DLG2: variants seen among roughly 807,000 people sequenced by gnomAD.
DLG2 encodes the protein discs large MAGUK scaffold protein 2, also known as disks large homolog 2.
Under a neutral mutation model 132.5 loss-of-function variants are expected in DLG2, and 45 were observed. The ratio of observed to expected loss-of-function variants is 0.34; its 90% CI spans 0.27 to 0.44. The LOEUF (loss-of-function observed/expected upper bound fraction) is 0.44, where lower values mean the gene tolerates loss of function less well. Ranked by LOEUF, DLG2 falls within the 20% of genes least tolerant of loss-of-function variation. The pLI, the probability that DLG2 is intolerant of heterozygous loss-of-function variation, is 1.00. For synonymous variants in DLG2, 424 were observed against 419.6 expected (o/e 1.01, Z -0.13); for missense variants, 1,045 against 1,196.9 (o/e 0.87, Z 1.87).
chr11:84,164,090 A>G (rs1282608338), intron 8 of DLG2, among the ~76,000 whole-genome samples: 1 of 152,192 alleles, frequency 6.6e-6, no homozygotes, highest in Non-Finnish European at 1.5e-5. Flanking sequence ...CCTCAGTAGC[A>G]GTAAGAAATG....
chr11:83,587,514 G>A (rs981621912), intron 19 of DLG2, among the ~76,000 whole-genome samples: 4 of 152,100 alleles, frequency 2.6e-5, no homozygotes, highest in African/African-American at 4.8e-5. Flanking sequence ...CAAACAATCT[G>A]TTCTCCTTGG....
intron 6 of DLG2, among the ~76,000 whole-genome samples, chr11:84,735,068 A>G (rs1297118727): frequency 2.0e-5 from 3 of 152,096 alleles, no homozygotes; most frequent in Non-Finnish European, 4.4e-5. Flanking sequence ...TTTTGCATCA[A>G]TGTTCATCAG....
chr11:85,078,168 A>T (rs1017875588), intron 6 of DLG2, among the ~76,000 whole-genome samples: 3 of 150,134 alleles, frequency 2.0e-5, no homozygotes, highest in African/African-American at 7.4e-5. Context: ...AGCCTACTCT[A>T]TTGGGGGAAA....
At chr11:85,535,650 G>A (rs899602098) in intron 3 of DLG2, among the ~76,000 whole-genome samples, 2 of 151,978 alleles carry the variant, frequency 1.3e-5, no homozygotes, top group African/African-American at 2.4e-5. Context: ...CAAGAGAAAT[G>A]GAAACAGATG....
chr11:85,437,373 T>C (rs2091545175), intron 3 of DLG2, among the ~76,000 whole-genome samples: 1 of 151,422 alleles, frequency 6.6e-6, no homozygotes, highest in Non-Finnish European at 1.5e-5. Flanking sequence ...AAGGGTAACA[T>C]GGGATGTTTC....
rs542089976 is a variant in DLG2 at position 83,556,842 on chromosome 11, G to A, written c.1941-14984C>T. ...AAAGTCAGCATCCAGTGGAAGGCAA[G>A]CTGGGATGATGCGGGGAAGATGACT... is the stretch of plus-strand genomic sequence containing the variant. On this transcript the variant is annotated intron_variant, in intron 19 of 27. Transcript: ENST00000376104. Among the ~76,000 whole-genome samples, 19 of 152,314 alleles carry A rather than the reference G, an allele frequency of 1.2e-4. 1 individual carries two copies. The South Asian group carries it at 3.9e-3, about 32-fold the overall frequency.
At chr11:85,156,930 G>A (rs1433818030) in intron 4 of DLG2, among the ~76,000 whole-genome samples, 2 of 152,170 alleles carry the variant, frequency 1.3e-5, no homozygotes, top group Non-Finnish European at 1.5e-5. Context: ...TGGACTGAAG[G>A]ATGTAAAGTA....
chr11:85,366,297 C>A (rs1189512750), intron 3 of DLG2, among the ~76,000 whole-genome samples: 1 of 151,964 alleles, frequency 6.6e-6, no homozygotes, highest in Non-Finnish European at 1.5e-5. Flanking sequence ...TTTATTTTTT[C>A]TATTTCATCC....
intron 19 of DLG2, among the ~76,000 whole-genome samples, chr11:83,552,553 G>A (rs1450355555): frequency 6.6e-6 from 1 of 152,100 alleles, no homozygotes; most frequent in Admixed American, 6.6e-5. Context: ...ACTAGCAGAG[G>A]GGTGGTAGCA....
intron 6 of DLG2, among the ~76,000 whole-genome samples, chr11:84,592,160 C>T (rs993385222): frequency 2.0e-5 from 3 of 152,078 alleles, no homozygotes; most frequent in Non-Finnish European, 4.4e-5. Flanking sequence ...CCAGCCAAGT[C>T]GGCAGGAATT....
intron 6 of DLG2, among the ~76,000 whole-genome samples, chr11:84,801,340 C>T (rs533410942): frequency 6.6e-5 from 10 of 152,232 alleles, no homozygotes; most frequent in African/African-American, 1.2e-4. Context: ...GAGGCCGAGG[C>T]GGGCGGATCA....
At chr11:84,254,181 C>G (rs1325441109) in intron 7 of DLG2, among the ~76,000 whole-genome samples, 1 of 152,026 alleles carries the variant, frequency 6.6e-6, no homozygotes, top group South Asian at 2.1e-4. Context: ...TCTAGTATAG[C>G]TTTGATTAAT....
At chr11:85,510,918 C>T (rs1239139907) in intron 3 of DLG2, among the ~76,000 whole-genome samples, 5 of 152,142 alleles carry the variant, frequency 3.3e-5, no homozygotes, top group Non-Finnish European at 7.4e-5. Flanking sequence ...AAGACACGTG[C>T]ACACGTATGT....
At chr11:85,361,281 G>A (rs934705335) in intron 3 of DLG2, among the ~76,000 whole-genome samples, 1 of 151,516 alleles carries the variant, frequency 6.6e-6, no homozygotes, top group East Asian at 1.9e-4. Context: ...TCAGCCTCCC[G>A]AGTAGCTGCT....
intron 8 of DLG2, among the ~76,000 whole-genome samples, chr11:84,176,872 CTCTTT>C (rs5793113): frequency 0.74 from 111,113 of 150,916 alleles, 41,558 homozygotes; most frequent in Middle Eastern, 0.84. Context: ...CTTGCTCTCT[CTCTTT>C]TCTTTTCTTT....
chr11:83,478,680 A>G (rs552055322), intron 22 of DLG2, among the ~76,000 whole-genome samples: 1 of 152,046 alleles, frequency 6.6e-6, no homozygotes, highest in Non-Finnish European at 1.5e-5. Context: ...TGTATAGTAT[A>G]TATTTTCCAT....
intron 6 of DLG2, among the ~76,000 whole-genome samples, chr11:85,092,949 T>C (rs890067362): frequency 6.6e-6 from 1 of 152,170 alleles, no homozygotes; most frequent in African/African-American, 2.4e-5. Flanking sequence ...CTACATGTGA[T>C]GTTTTGATAT....
intron 18 of DLG2, among the ~76,000 whole-genome samples, chr11:83,667,871 G>A (rs1243420460): frequency 1.3e-5 from 2 of 150,884 alleles, no homozygotes; most frequent in South Asian, 2.1e-4. Flanking sequence ...CCAGCTACTC[G>A]GGAGGCTGAG....
intron 6 of DLG2, among the ~76,000 whole-genome samples, chr11:84,940,983 T>C (rs1373607341): frequency 6.6e-6 from 1 of 152,246 alleles, no homozygotes; most frequent in Non-Finnish European, 1.5e-5. Flanking sequence ...TTAAAGAGAC[T>C]GTCCTTTCCC....
Sources: gnomAD v4.1 joint callset for allele counts (sites outside exome capture counted in the v4.1 genomes callset) on GRCh38, gnomAD v4.1.1 for gene constraint, MANE v1.5 for transcripts, NCBI Gene and HGNC (gene_info 2026-07-23, HGNC 2026-07-21) for gene names.